SCRG1: variants seen among roughly 807,000 people sequenced by gnomAD.
SCRG1 encodes stimulator of chondrogenesis 1, also known as scrapie-responsive protein 1.
A neutral mutation model predicts 7.7 loss-of-function variants in SCRG1; 3 were observed. The observed-to-expected ratio is 0.39, with a 90% confidence interval of 0.18 to 1.01. SCRG1 has a LOEUF of 1.01. SCRG1 is among the 50% of genes least tolerant of loss of function. The pLI is 0.36. For synonymous variants in SCRG1, 46 were observed against 41.2 expected (o/e 1.12, Z -0.44); for missense variants, 110 against 117.2 (o/e 0.94, Z 0.28).
At chr4:173,452,457 G>A in the SCRG1 span, among the ~76,000 whole-genome samples, 70 of 152,180 alleles carry the variant, frequency 4.6e-4, no homozygotes, top group African/African-American at 1.6e-3. Flanking sequence ...TTCAAACTTG[G>A]GTTGTTCAAG....
chr4:173,467,418 C>T, the SCRG1 span, among the ~76,000 whole-genome samples: 1 of 152,088 alleles, frequency 6.6e-6, no homozygotes, highest in Non-Finnish European at 1.5e-5. Flanking sequence ...AGCACACAGG[C>T]AAAGCAGTCA....
At chr4:173,484,476 A>ATATATTATATACATATAATATATAT in the SCRG1 span, among the ~76,000 whole-genome samples, 27 of 19,356 alleles carry the variant, frequency 1.4e-3, no homozygotes, top group East Asian at 3.7e-3. Flanking sequence ...ATAATATATA[A>ATATATTATATACATATAATATATAT]TATATATTAT....
chr4:173,388,289 G>A lies in SCRG1; in HGVS notation c.*52C>T. The A allele has an allele frequency of 8.0e-7, 1 of 1,257,228 alleles. No homozygotes were observed. Among genetic ancestry groups the A allele is most frequent in the Non-Finnish European group, 1.2e-6 (1 of 861,146 alleles). The allele number at this position is 1,257,228 out of a possible 1,614,324, so 77.9% of individuals were successfully genotyped here. On this transcript the variant is annotated 3_prime_UTR_variant, in exon 3 of 3. Transcript: ENST00000296506. ...CTAGAAATGCAGTTATACTGATGTA[G>A]TGCAGTTTGTGGGAAATCAGGAATG...
At chr4:173,484,577 A>T in the SCRG1 span, among the ~76,000 whole-genome samples, 1 of 93,624 alleles carries the variant, frequency 1.1e-5, no homozygotes, top group Non-Finnish European at 1.8e-5. Context: ...TATATTTTAT[A>T]TATTATACAT....
At chr4:173,414,689 G>GT in the SCRG1 span, among the ~76,000 whole-genome samples, 1 of 152,254 alleles carries the variant, frequency 6.6e-6, no homozygotes, top group Non-Finnish European at 1.5e-5. Flanking sequence ...CTTGTCAGCT[G>GT]TGTTCACAGC....
the SCRG1 span, among the ~76,000 whole-genome samples, chr4:173,432,311 CTCCTTCCCT>C: frequency 4.4e-5 from 6 of 137,758 alleles, no homozygotes; most frequent in African/African-American, 8.0e-5. Context: ...CCCTCCCTCC[CTCCTTCCCT>C]TCCTTCCTTC....
At chr4:173,491,458 A>G in the SCRG1 span, among the ~76,000 whole-genome samples, 1 of 152,150 alleles carries the variant, frequency 6.6e-6, no homozygotes, top group Non-Finnish European at 1.5e-5. Context: ...CTCCTCCTGC[A>G]GAGATCGGTA....
the SCRG1 span, among the ~76,000 whole-genome samples, chr4:173,484,124 TATATAATATATAATATAGAATATAG>T: frequency 2.1e-4 from 9 of 42,928 alleles, no homozygotes; most frequent in East Asian, 6.9e-3. Context: ...TAATATACAA[TATATAATATATAATATAGAATATAG>T]AATATTTTCT....
chr4:173,512,773 C>A, the SCRG1 span, among the ~76,000 whole-genome samples: 478 of 152,306 alleles, frequency 3.1e-3, no homozygotes, highest in African/African-American at 0.011. Context: ...GTCAAGGTCA[C>A]TCACAGTCTC....
the SCRG1 span, chr4:173,419,372 T>G: frequency 8.6e-7 from 1 of 1,159,374 alleles, no homozygotes; most frequent in South Asian, 1.4e-5. Flanking sequence ...TTTCTTGGGC[T>G]TCTTTTCATA....
chr4:173,500,834 A>C, the SCRG1 span, among the ~76,000 whole-genome samples: 1 of 150,784 alleles, frequency 6.6e-6, no homozygotes, highest in Non-Finnish European at 1.5e-5. Flanking sequence ...AGTTTATTAA[A>C]TAGTCACTCT....
chr4:173,484,436 CATATGAT>C, the SCRG1 span, among the ~76,000 whole-genome samples: 192 of 50,560 alleles, frequency 3.8e-3, 9 homozygotes, highest in African/African-American at 0.015. Flanking sequence ...ATATTATATA[CATATGAT>C]ATATAATATA....
chr4:173,496,933 C>T, the SCRG1 span, among the ~76,000 whole-genome samples: 8 of 152,038 alleles, frequency 5.3e-5, no homozygotes, highest in East Asian at 1.9e-4. Context: ...GGTGAAACCC[C>T]GTCTCTACTA....
the SCRG1 span, among the ~76,000 whole-genome samples, chr4:173,442,804 C>T: frequency 6.6e-6 from 1 of 152,148 alleles, no homozygotes; most frequent in Non-Finnish European, 1.5e-5. Context: ...ATCCTTTGAT[C>T]AGGAGCCCAC....
chr4:173,512,428 G>C, the SCRG1 span, among the ~76,000 whole-genome samples: 1 of 152,240 alleles, frequency 6.6e-6, no homozygotes, highest in African/African-American at 2.4e-5. Context: ...TGAAAGAAGA[G>C]AAATTTTTGG....
At chr4:173,405,428 A>G (rs1453608265) in intron 1 of SCRG1, among the ~76,000 whole-genome samples, 3 of 152,128 alleles carry the variant, frequency 2.0e-5, no homozygotes, top group Non-Finnish European at 4.4e-5. Context: ...TCCACTGCAC[A>G]TTTACTCTTT....
At chr4:173,483,242 G>GATTTATCATATATT in the SCRG1 span, among the ~76,000 whole-genome samples, 1 of 55,946 alleles carries the variant, frequency 1.8e-5, no homozygotes, top group African/African-American at 8.2e-5. Context: ...TATAATATAT[G>GATTTATCATATATT]ATATATCATA....
the SCRG1 span, among the ~76,000 whole-genome samples, chr4:173,484,605 G>A: frequency 1.3e-5 from 1 of 79,460 alleles, no homozygotes; most frequent in Non-Finnish European, 2.0e-5. Context: ...ATTTTATGTA[G>A]TATATATTAT....
the SCRG1 span, among the ~76,000 whole-genome samples, chr4:173,508,287 G>A: frequency 6.6e-6 from 1 of 152,206 alleles, no homozygotes; most frequent in Non-Finnish European, 1.5e-5. The surrounding 1 kb of genome is among the most constrained non-coding windows in gnomAD (Gnocchi z 4.4). Context: ...AACCCACTGG[G>A]AAGAGATGAC....
Sources: allele counts gnomAD v4.1 joint callset (sites outside exome capture counted in the v4.1 genomes callset), GRCh38; gene constraint gnomAD v4.1.1; non-coding constraint Gnocchi (gnomAD v3.1); transcripts MANE v1.5; gene names NCBI Gene and HGNC (gene_info 2026-07-23, HGNC 2026-07-21).